Variants in KCNH8 observed in about 807,000 individuals in gnomAD.
KCNH8 encodes the protein potassium voltage-gated channel subfamily H member 8.
Under a neutral mutation model 103.6 loss-of-function variants are expected in KCNH8, and 70 were observed. The ratio of observed to expected loss-of-function variants is 0.68; its 90% confidence interval spans 0.56 to 0.82. KCNH8 has a LOEUF of 0.82. KCNH8 is among the 40% of genes least tolerant of loss of function. The pLI is 0.00. For missense variants in KCNH8, 1,217 were observed against 1,329.9 expected, an observed-to-expected ratio of 0.92 and a Z score of 1.32; for synonymous variants, 498 against 489.4, an observed-to-expected ratio of 1.02 and a Z score of -0.23.
intron 5 of KCNH8, among the ~76,000 whole-genome samples, chr3:19,379,056 G>A (rs962714088): frequency 8.5e-5 from 13 of 152,090 alleles, no homozygotes; most frequent in Admixed American, 8.5e-4. Context: ...AAGCAGCTTT[G>A]GAGTGTGTAT....
At chr3:19,481,182 A>G (rs1159976412) in intron 11 of KCNH8, among the ~76,000 whole-genome samples, 1 of 152,136 alleles carries the variant, frequency 6.6e-6, no homozygotes, top group Non-Finnish European at 1.5e-5. Flanking sequence ...GTTTATTTAT[A>G]TAAATTTATG....
At chr3:19,150,570 C>A (rs2063119414) in intron 1 of KCNH8, among the ~76,000 whole-genome samples, 2 of 152,142 alleles carry the variant, frequency 1.3e-5, no homozygotes, top group Admixed American at 1.3e-4. Flanking sequence ...GGCTTTAAAT[C>A]ATCAGCGTGG....
chr3:19,394,822 C>T (rs139923290), intron 6 of KCNH8, among the ~76,000 whole-genome samples: 5 of 151,938 alleles, frequency 3.3e-5, no homozygotes, highest in Non-Finnish European at 7.4e-5. Flanking sequence ...AGAATGTAAA[C>T]TGCAGTATGA....
At chr3:19,355,992 T>C (rs1190794167) in intron 5 of KCNH8, among the ~76,000 whole-genome samples, 1 of 151,836 alleles carries the variant, frequency 6.6e-6, no homozygotes, top group Non-Finnish European at 1.5e-5. Context: ...TTTGGCATCT[T>C]ATAATCAATT....
intron 3 of KCNH8, among the ~76,000 whole-genome samples, chr3:19,302,944 T>A (rs1177140157): frequency 6.6e-6 from 1 of 152,310 alleles, no homozygotes; most frequent in East Asian, 1.9e-4. Flanking sequence ...GCCACTATTA[T>A]CCTTGGGATA....
chr3:19,155,237 C>T (rs2125181463), intron 1 of KCNH8, among the ~76,000 whole-genome samples: 1 of 152,304 alleles, frequency 6.6e-6, no homozygotes, highest in Admixed American at 6.5e-5. Flanking sequence ...GTTCTTCAAG[C>T]TGCAAATCTG....
At chr3:19,487,886 C>T (rs1403420658) in intron 11 of KCNH8, among the ~76,000 whole-genome samples, 1 of 152,118 alleles carries the variant, frequency 6.6e-6, no homozygotes, top group Non-Finnish European at 1.5e-5. Flanking sequence ...CCAGCAGGTC[C>T]GTGGTAGACA....
At chr3:19,437,282 A>T (rs985135799) in intron 7 of KCNH8, among the ~76,000 whole-genome samples, 3 of 152,134 alleles carry the variant, frequency 2.0e-5, no homozygotes, top group Non-Finnish European at 2.9e-5. Flanking sequence ...TAAGGGACAA[A>T]TATTTTCAAT....
At chr3:19,289,154 A>T (rs2064880503) in intron 3 of KCNH8, among the ~76,000 whole-genome samples, 1 of 151,730 alleles carries the variant, frequency 6.6e-6, no homozygotes, top group African/African-American at 2.4e-5. Flanking sequence ...AGATTGCAAA[A>T]ATTTTCTCCC....
At chr3:19,267,219 A>G (rs1175793899) in intron 2 of KCNH8, among the ~76,000 whole-genome samples, 1 of 152,106 alleles carries the variant, frequency 6.6e-6, no homozygotes, top group Non-Finnish European at 1.5e-5. Context: ...AGGCCAGGGG[A>G]AAGCACCTGA....
intron 7 of KCNH8, among the ~76,000 whole-genome samples, chr3:19,401,777 T>C (rs753688925): frequency 2.6e-5 from 4 of 151,918 alleles, no homozygotes; most frequent in Non-Finnish European, 5.9e-5. Context: ...TGCAGTCTGA[T>C]CTCGTATTTA....
chr3:19,338,484 T>G (rs541984693), intron 3 of KCNH8, among the ~76,000 whole-genome samples: 26 of 152,094 alleles, frequency 1.7e-4, no homozygotes, highest in Non-Finnish European at 3.1e-4. Context: ...TTGTCCTTTT[T>G]GTGGTGAAAT....
intron 1 of KCNH8, among the ~76,000 whole-genome samples, chr3:19,200,040 G>A (rs2063641009): frequency 1.3e-5 from 2 of 151,912 alleles, no homozygotes; most frequent in South Asian, 2.1e-4. Context: ...CTTGTTCAAT[G>A]AATTCCTAAG....
intron 5 of KCNH8, among the ~76,000 whole-genome samples, chr3:19,358,172 TC>T: frequency 6.7e-6 from 1 of 148,662 alleles, no homozygotes; most frequent in Non-Finnish European, 1.5e-5. Flanking sequence ...TCCTTCCTTT[TC>T]TTCCTTCCTT....
At chr3:19,481,461 A>C (rs1331835278) in intron 11 of KCNH8, among the ~76,000 whole-genome samples, 1 of 152,096 alleles carries the variant, frequency 6.6e-6, no homozygotes, top group Non-Finnish European at 1.5e-5. Context: ...TGTGTAAAGG[A>C]TATAAAAATT....
chr3:19,270,923 T>C (rs1204256816), intron 2 of KCNH8, among the ~76,000 whole-genome samples: 2 of 152,156 alleles, frequency 1.3e-5, no homozygotes, highest in East Asian at 3.9e-4. Flanking sequence ...GTATTTTTCA[T>C]TCATTTCACT....
At chr3:19,170,840 C>G (rs182391337) in intron 1 of KCNH8, among the ~76,000 whole-genome samples, 1 of 132,554 alleles carries the variant, frequency 7.5e-6, no homozygotes, top group Non-Finnish European at 1.5e-5. Flanking sequence ...GACGAAGTCT[C>G]GCGCTCTCGC....
At chr3:19,513,836 T>G (rs955054381) in intron 13 of KCNH8, among the ~76,000 whole-genome samples, 1 of 152,180 alleles carries the variant, frequency 6.6e-6, no homozygotes, top group Admixed American at 6.6e-5. Context: ...CATGGTTCCA[T>G]TTTTCATTTC....
At chr3:19,523,387 T>C (rs895377832) in intron 15 of KCNH8, among the ~76,000 whole-genome samples, 9 of 151,978 alleles carry the variant, frequency 5.9e-5, no homozygotes, top group African/African-American at 2.2e-4. Flanking sequence ...TATTTTCTCA[T>C]TTTCAACTCC....
Sources: gnomAD v4.1 joint callset for allele counts (sites outside exome capture counted in the v4.1 genomes callset) on GRCh38, gnomAD v4.1.1 for gene constraint, MANE v1.5 for transcripts, NCBI Gene and HGNC (gene_info 2026-07-23, HGNC 2026-07-21) for gene names.